The following ATP13A1 variants were observed in gnomAD, a reference collection of about 807,000 sequenced individuals.
ATP13A1 encodes the protein endoplasmic reticulum transmembrane helix translocase.
A neutral mutation model predicts 134.8 loss-of-function variants in ATP13A1; 55 were observed. That is an observed-to-expected ratio of 0.41 (90% CI 0.33 to 0.51). The LOEUF (loss-of-function observed/expected upper bound fraction) is 0.51. Among genes scored for constraint, ATP13A1 ranks in the 20% least tolerant of loss-of-function variants. ATP13A1 has a pLI of 0.29. For synonymous variants in ATP13A1, 775 were observed against 725.1 expected, an observed-to-expected ratio of 1.07 and a Z score of -1.10; for missense variants, 1,389 against 1,652.8, an observed-to-expected ratio of 0.84 and a Z score of 2.77.
chr19:19,654,262 C>A, intron 13 of ATP13A1, 118 bp from the exon 14 acceptor site: 1 of 1,166,234 alleles, frequency 8.6e-7, no homozygotes, highest in Non-Finnish European at 1.2e-6. Context: ...CTGATCGGGG[C>A]TCTGGGCTAG....
intron 19 of ATP13A1, 31 bp downstream of exon 19, chr19:19,649,536 C>G: frequency 6.2e-7 from 1 of 1,604,874 alleles, no homozygotes; most frequent in South Asian, 1.1e-5. Context: ...ACCTCGTCCA[C>G]AAACGAAATA....
In ATP13A1 at chr19:19,645,728, T is replaced by G. The variant is rs1599425161; in HGVS notation, c.3423A>C (p.Ser1141=). ...NKPLVWSLAV[S]LLAIIGLLLG... Reference sequence around the variant, plus strand: ...GGAGCAGGCCAATGATGGCCAGGAGTGAAACTGCCAGACTCCACACCAGGG... The same window carrying G: ...GGAGCAGGCCAATGATGGCCAGGAGGGAAACTGCCAGACTCCACACCAGGG... The change falls in exon 25 of 26, where the codon TCA becomes TCC. Residue 1141 remains serine (S), a synonymous_variant. Coordinates refer to ENST00000357324, the MANE Select transcript of ATP13A1 (RefSeq NM_020410.3). The surrounding 1 kb of genome is among the most constrained non-coding windows in gnomAD (Gnocchi z 4.1). 2 of 1,594,076 alleles carry G rather than the reference T, an allele frequency of 1.3e-6. No homozygotes were observed. Among genetic ancestry groups the G allele is most frequent in the Non-Finnish European group, 8.5e-7 (1 of 1,172,232 alleles).
intron 17 of ATP13A1, 57 bp from the exon 18 acceptor site, chr19:19,649,997 C>A (rs2062013950): frequency 2.0e-6 from 3 of 1,469,778 alleles, no homozygotes; most frequent in East Asian, 2.5e-5. Context: ...CTCAGAAGCA[C>A]CCTCCCTCCA....
intron 17 of ATP13A1, 162 bp downstream of exon 17, chr19:19,651,527 T>C (rs1014281041): frequency 1.9e-6 from 1 of 532,774 alleles, no homozygotes; most frequent in African/African-American, 2.0e-5. Context: ...AACGCTCACA[T>C]GCTGTCCGAG....
rs971758595 is a variant in ATP13A1 at position 19,651,541 on chromosome 19, C to G, written c.2335+148G>C. On this transcript the variant is annotated intron_variant, in intron 17 of 25. Coordinates refer to ENST00000357324, the MANE Select transcript of ATP13A1 (RefSeq NM_020410.3). ...GAACGCTCACATGCTGTCCGAGGTG[C>G]CCAGTGGGCCAGGGCTGTGATTAGT... 5.3e-6 allele frequency: 3 copies of G among 568,178 alleles called. No individual in the cohort carries two copies. The African/African-American group carries it at 5.8e-5, about 11-fold the overall frequency. The allele number at this position is 568,178 out of a possible 1,614,324, so 35.2% of individuals were successfully genotyped here.
At chr19:19,649,046 C>T (rs141928610) in intron 19 of ATP13A1, among the ~76,000 whole-genome samples, 2,672 of 151,830 alleles carry the variant, frequency 0.018, 34 homozygotes, top group South Asian at 0.029. Context: ...CGCTTGAACC[C>T]GGGAGATGGA....
rs2062063743 is a variant in ATP13A1, at chr19:19,657,051, C to T, written c.849G>A (p.Gln283=). The part of the protein sequence containing the change: ...LVAFEASLVQ[Q]QMRNMSEIRK... ...GGATCTCCGACATGTTCCGCATCTG[C>T]TGCTGCACCAGCGAGGCCTCGAACG... The change falls in exon 5 of 26, where the codon CAG becomes CAA. Residue 283 remains glutamine (Q), a synonymous_variant. Transcript: ENST00000357324. 6.4e-7 allele frequency: 1 copy of T among 1,565,078 alleles called. No individual in the cohort carries two copies. Among genetic ancestry groups the T allele is most frequent in the Non-Finnish European group, 8.7e-7 (1 of 1,155,022 alleles).
intron 3 of ATP13A1, among the ~76,000 whole-genome samples, chr19:19,658,134 G>A (rs1263707109): frequency 1.7e-5 from 2 of 120,482 alleles, no homozygotes; most frequent in Non-Finnish European, 3.3e-5. Flanking sequence ...GGGTAACAGA[G>A]TAAGACCCTG....
At chr19:19,662,775 G>A (rs2062102329) in intron 1 of ATP13A1, among the ~76,000 whole-genome samples, 1 of 152,158 alleles carries the variant, frequency 6.6e-6, no homozygotes, top group African/African-American at 2.4e-5. Context: ...CAGTATGGAA[G>A]ACCACTAAGC....
At chr19:19,648,156 T>C (rs1356932271) in intron 19 of ATP13A1, among the ~76,000 whole-genome samples, 5 of 151,894 alleles carry the variant, frequency 3.3e-5, no homozygotes, top group Admixed American at 3.3e-4. Flanking sequence ...CCGTCTCTAC[T>C]AAAAATACAA....
At position 19,648,511 on chromosome 19, in the gene ATP13A1, AG is replaced by A. The variant is rs139907673; in HGVS notation, c.2633-753del. Among the ~76,000 whole-genome samples, 627 of 148,410 alleles carry A rather than the reference AG, an allele frequency of 4.2e-3. 7 individuals carry two copies. Among genetic ancestry groups the A allele is most frequent in the Admixed American group, 8.4e-3 (125 of 14,948 alleles). On this transcript the variant is annotated intron_variant, in intron 19 of 25. Transcript: ENST00000357324. Reference sequence around the variant, plus strand: ...CCTGAGTTCTTGCAAAAAAAAAAAAAGAAAAAAGAAAAAAAGGCCAGGTGAG... The same window carrying A: ...CCTGAGTTCTTGCAAAAAAAAAAAAAAAAAAAGAAAAAAAGGCCAGGTGAG...
chr19:19,649,126 A>T (rs929694691), intron 19 of ATP13A1, among the ~76,000 whole-genome samples: 1 of 152,094 alleles, frequency 6.6e-6, no homozygotes, highest in Admixed American at 6.5e-5. Flanking sequence ...CGTCAAAAAA[A>T]AAAAAGACAG....
intron 13 of ATP13A1, 118 bp from the exon 14 acceptor site, chr19:19,654,262 C>T (rs2062043063): frequency 1.7e-6 from 2 of 1,166,234 alleles, no homozygotes; most frequent in South Asian, 1.5e-5. Context: ...CTGATCGGGG[C>T]TCTGGGCTAG....
rs1382237722 is a variant in ATP13A1 at position 19,656,800 on chromosome 19, C to G, written c.977-34G>C. 6.2e-7 allele frequency: 1 copy of G among 1,612,448 alleles called. No individual in the cohort carries two copies. The highest frequency in any genetic ancestry group is 8.5e-7 in the Non-Finnish European group (1 of 1,179,436). On this transcript the variant is annotated intron_variant, in intron 6 of 25. Transcript: ENST00000357324. The surrounding 1 kb of genome is among the most constrained non-coding windows in gnomAD (Gnocchi z 4.6). ...CAGAGGCAGGAGGGTTGGCCAGAGGCCCTGAGGCTGGGGCTCCCACTGGGA... is the reference window on the plus strand; with the variant it reads ...CAGAGGCAGGAGGGTTGGCCAGAGGGCCTGAGGCTGGGGCTCCCACTGGGA...
intron 19 of ATP13A1, among the ~76,000 whole-genome samples, chr19:19,648,030 T>C (rs2061998008): frequency 6.6e-6 from 1 of 152,078 alleles, no homozygotes. Context: ...AAAACTAAAC[T>C]GATTTTGGCC....
chr19:19,660,892 A>G (rs1285655447), intron 1 of ATP13A1, among the ~76,000 whole-genome samples: 2 of 151,840 alleles, frequency 1.3e-5, no homozygotes, highest in African/African-American at 4.8e-5. Flanking sequence ...CAGCCTGGCC[A>G]ATATGGTGAA....
Position 19,656,452 on chromosome 19 carries a change from C to G in ATP13A1, c.1083+208G>C, listed in dbSNP as rs1292770691. On this transcript the variant is annotated intron_variant, in intron 7 of 25. Coordinates refer to ENST00000357324, the MANE Select transcript of ATP13A1 (RefSeq NM_020410.3). The surrounding 1 kb of genome is among the most constrained non-coding windows in gnomAD (Gnocchi z 4.6). ...TCCCAGCCCACCTTGGTCTGACATC[C>G]CAGGGCACCAATGTACCCTGGATGC... Among the ~76,000 whole-genome samples, 4 of 152,142 alleles carry G rather than the reference C, an allele frequency of 2.6e-5. No homozygotes were observed. The highest frequency in any genetic ancestry group is 2.6e-4 in the Admixed American group (4 of 15,276).
chr19:19,657,695 G>A (rs2062068435), intron 3 of ATP13A1, among the ~76,000 whole-genome samples: 1 of 152,204 alleles, frequency 6.6e-6, no homozygotes, highest in South Asian at 2.1e-4. Flanking sequence ...CTGGCAGCCT[G>A]GGGCTGGTGT....
Position 19,659,762 on chromosome 19 carries a change from G to A in ATP13A1, c.516C>T (p.Phe172=), listed in dbSNP as rs750328050. ...EGEDGLEVLS[F]EFQKIKYSYD... is the part of the protein sequence containing the mutation. ...AGGAATACTTGATCTTCTGGAATTC[G>A]AAGGACAGCACCTCAAGCCCGTCTT... The change falls in exon 3 of 26, where the codon TTC becomes TTT. Residue 172 remains phenylalanine, a synonymous_variant. Coordinates refer to ENST00000357324, the MANE Select transcript of ATP13A1 (RefSeq NM_020410.3). 6 of 1,613,862 alleles carry A rather than the reference G, an allele frequency of 3.7e-6. No individual in the cohort carries two copies. In the Admixed American group the frequency reaches 8.3e-5, roughly 22 times the overall value.
Sources: gnomAD v4.1 joint callset for allele counts (sites outside exome capture counted in the v4.1 genomes callset) on GRCh38, gnomAD v4.1.1 for gene constraint, Gnocchi (gnomAD v3.1) non-coding constraint, MANE v1.5 for transcripts, NCBI Gene and HGNC (gene_info 2026-07-23, HGNC 2026-07-21) for gene names.